The following SOX6 variants were observed in gnomAD, a reference collection of about 807,000 sequenced individuals.
The protein encoded by SOX6 is SRY-box transcription factor 6, also known as transcription factor SOX-6.
In SOX6, 11 loss-of-function variants were observed where a neutral mutation model predicts 97.8. That is an observed-to-expected ratio of 0.11 (90% CI 0.07 to 0.19). SOX6 has a LOEUF of 0.19. Ranked by LOEUF, SOX6 falls within the 10% of genes least tolerant of loss-of-function variation. The probability of loss-of-function intolerance (pLI) is 1.00; values close to 1 mark genes in which losing one functional copy is unlikely to be tolerated. For missense variants in SOX6, 810 were observed against 1,039.5 expected, an observed-to-expected ratio of 0.78 and a Z score of 3.04; for synonymous variants, 360 against 371.4, an observed-to-expected ratio of 0.97 and a Z score of 0.35.
chr11:16,004,046 G>A lies in SOX6; in HGVS notation c.1732+10896C>T, dbSNP rs562447195. Among the ~76,000 whole-genome samples, 246 of 151,562 alleles carry A rather than the reference G, an allele frequency of 1.6e-3. 1 individual carries two copies. The highest frequency in any genetic ancestry group is 5.5e-3 in the African/African-American group (227 of 41,382). On this transcript the variant is annotated intron_variant, in intron 13 of 15. Coordinates refer to ENST00000683767, the MANE Select transcript of SOX6 (RefSeq NM_001367873.1). ...TATATATACACACACACATATATATGTGTGTATATATATACATATATATGT... is the reference window on the plus strand; with the variant it reads ...TATATATACACACACACATATATATATGTGTATATATATACATATATATGT...
chr11:16,018,460 A>G lies in SOX6; in HGVS notation c.1624-3410T>C, dbSNP rs571863409. Reference sequence around the variant, plus strand: ...AGGTTTGTTTTCATCTAGGAAAAAAATCAACTTCCTCTTACTGGCATCAAA... The same window carrying G: ...AGGTTTGTTTTCATCTAGGAAAAAAGTCAACTTCCTCTTACTGGCATCAAA... On this transcript the variant is annotated intron_variant, in intron 12 of 15. Coordinates refer to ENST00000683767, the MANE Select transcript of SOX6 (RefSeq NM_001367873.1). 1.5e-4 allele frequency among the ~76,000 whole-genome samples: 23 copies of G among 149,810 alleles called. No homozygotes were observed. In the East Asian group the frequency reaches 3.6e-3, roughly 23 times the overall value.
rs754914238 is a variant in SOX6, at chr11:15,986,341, T to C, written c.2046A>G (p.Leu682=). ...TGTATTTATAGTTTGGGTACTTCTCTAAGTGGATCTTGCTTAGCCGGGCCT... is the reference window on the plus strand; with the variant it reads ...TGTATTTATAGTTTGGGTACTTCTCCAAGTGGATCTTGCTTAGCCGGGCCT... ...EEQARLSKIH[L]EKYPNYKYKP... The change falls in exon 15 of 16, where the codon TTA becomes TTG. Residue 682 remains leucine, a synonymous_variant. Coordinates refer to ENST00000683767, the MANE Select transcript of SOX6 (RefSeq NM_001367873.1). 1.9e-6 allele frequency: 3 copies of C among 1,614,180 alleles called. No individual in the cohort carries two copies. Among genetic ancestry groups the C allele is most frequent in the Non-Finnish European group, 1.7e-6 (2 of 1,180,032 alleles).
intron 15 of SOX6, among the ~76,000 whole-genome samples, chr11:15,982,767 T>A (rs1429125290): frequency 6.6e-6 from 1 of 152,076 alleles, no homozygotes. Context: ...TTTCTCGAAT[T>A]TTTTTAAAAA....
chr11:16,667,639 A>G (rs983534637), intron 3 of SOX6, among the ~76,000 whole-genome samples: 13 of 152,202 alleles, frequency 8.5e-5, no homozygotes, highest in Non-Finnish European at 1.9e-4. Flanking sequence ...ACAAAAGGTG[A>G]GGTATTTCAT....
At chr11:16,480,057 C>T (rs1041094275), upstream of SOX6, among the ~76,000 whole-genome samples, 5 of 151,602 alleles carry the variant, frequency 3.3e-5, no homozygotes, top group African/African-American at 1.2e-4. Context: ...AAGATGGCCA[C>T]AATATATTGT....
chr11:16,672,496 G>A (rs1038595669), intron 3 of SOX6, among the ~76,000 whole-genome samples: 1 of 152,210 alleles, frequency 6.6e-6, no homozygotes, highest in African/African-American at 2.4e-5. Context: ...CAATCATGAT[G>A]GAAGGCAAGG....
intron 6 of SOX6, among the ~76,000 whole-genome samples, chr11:16,144,926 G>A (rs1453638516): frequency 6.6e-6 from 1 of 152,172 alleles, no homozygotes. Flanking sequence ...GAGGTACAAG[G>A]AGGAGCTGGT....
At chr11:16,592,575 C>G (rs1486051408) in intron 4 of SOX6, among the ~76,000 whole-genome samples, 1 of 151,654 alleles carries the variant, frequency 6.6e-6, no homozygotes, top group African/African-American at 2.4e-5. Flanking sequence ...AATTTAACAC[C>G]TCCCTTACTA....
chr11:16,312,476 A>G (rs1855632352), intron 3 of SOX6: 1 of 152,194 alleles, frequency 6.6e-6, no homozygotes, highest in South Asian at 2.1e-4. Flanking sequence ...TGGCTGAAGC[A>G]CTATTATTAA....
chr11:16,418,789 G>A (rs758452961), intron 1 of SOX6, among the ~76,000 whole-genome samples: 8 of 152,126 alleles, frequency 5.3e-5, no homozygotes, highest in Non-Finnish European at 1.2e-4. Context: ...AAGTTAAACA[G>A]AAATTTTTTA....
At chr11:16,711,416 G>T (rs538666042) in intron 3 of SOX6, among the ~76,000 whole-genome samples, 1 of 107,826 alleles carries the variant, frequency 9.3e-6, no homozygotes, top group Non-Finnish European at 2.3e-5. Flanking sequence ...CCCAGCTACT[G>T]GGGGGTGGAG....
At chr11:16,150,773 C>T (rs1360362062) in intron 6 of SOX6, among the ~76,000 whole-genome samples, 2 of 152,128 alleles carry the variant, frequency 1.3e-5, no homozygotes, top group African/African-American at 4.8e-5. Flanking sequence ...AACCAGGCAT[C>T]GATAGCTTTA....
At chr11:16,529,467 A>G (rs548350757) in intron 4 of SOX6, among the ~76,000 whole-genome samples, 1 of 152,198 alleles carries the variant, frequency 6.6e-6, no homozygotes, top group East Asian at 1.9e-4. Flanking sequence ...AAAACAGGCA[A>G]ATATTTTCCC....
Position 16,451,983 on chromosome 11 carries a change from A to AAACTAAATAAAT in SOX6, c.-5+24331_-5+24332insATTTATTTAGTT, listed in dbSNP as rs140349010. Among the ~76,000 whole-genome samples, 864 of 143,904 alleles carry AAACTAAATAAAT rather than the reference A, an allele frequency of 6.0e-3. 5 individuals are homozygous for AAACTAAATAAAT. Among genetic ancestry groups the AAACTAAATAAAT allele is most frequent in the African/African-American group, 0.021 (819 of 38,512 alleles). The allele number at this position is 143,904 out of a possible 152,430, so 94.4% of individuals were successfully genotyped here. A position where few individuals can be genotyped will look rare whatever the true frequency, so the allele number is the denominator to read the frequency against. ...GGGTGACAGAGCAAGACCCTATCTA[A>AAACTAAATAAAT]AAATAAATAAATAAATAAATAAATA... On this transcript the variant is annotated intron_variant, in intron 1 of 15. Transcript: ENST00000396356.
At chr11:16,422,817 A>AT (rs561499025) in intron 1 of SOX6, among the ~76,000 whole-genome samples, 202 of 151,874 alleles carry the variant, frequency 1.3e-3, no homozygotes, top group Non-Finnish European at 2.1e-3. Context: ...AAAAACCTTT[A>AT]TTTTTTTTCT....
chr11:16,480,885 T>C (rs1203555473), upstream of SOX6, among the ~76,000 whole-genome samples: 1 of 152,192 alleles, frequency 6.6e-6, no homozygotes, highest in Admixed American at 6.5e-5. Context: ...TATTGATGCA[T>C]TGATTTTACT....
intron 3 of SOX6, among the ~76,000 whole-genome samples, chr11:16,624,768 C>A (rs959509773): frequency 1.3e-5 from 2 of 152,128 alleles, no homozygotes; most frequent in African/African-American, 2.4e-5. Flanking sequence ...TCAATTGCCT[C>A]GCATTTTACC....
chr11:16,190,019 C>T (rs1851587341), intron 4 of SOX6, among the ~76,000 whole-genome samples: 1 of 152,152 alleles, frequency 6.6e-6, no homozygotes, highest in South Asian at 2.1e-4. Context: ...TGCATAGGCA[C>T]AGAGAGGCTA....
chr11:16,641,552 T>C (rs1814791335), intron 3 of SOX6, among the ~76,000 whole-genome samples: 1 of 152,226 alleles, frequency 6.6e-6, no homozygotes, highest in African/African-American at 2.4e-5. Flanking sequence ...AGTCTCTTTA[T>C]AGGTCTCTAA....
Sources: allele counts gnomAD v4.1 joint callset (sites outside exome capture counted in the v4.1 genomes callset), GRCh38; gene constraint gnomAD v4.1.1; transcripts MANE v1.5; gene names NCBI Gene and HGNC (gene_info 2026-07-23, HGNC 2026-07-21).